The following TBXAS1 variants were observed in gnomAD, a reference collection of about 807,000 sequenced individuals.
The protein encoded by TBXAS1 is thromboxane A synthase 1, also known as thromboxane-A synthase.
A neutral mutation model predicts 60.7 loss-of-function variants in TBXAS1; 48 were observed. The ratio of observed to expected loss-of-function variants is 0.79; its 90% CI spans 0.63 to 1.01. The LOEUF is 1.01. Among genes scored for constraint, TBXAS1 ranks in the 50% least tolerant of loss-of-function variants. The pLI, the probability that TBXAS1 is intolerant of heterozygous loss-of-function variation, is 0.00. For missense variants in TBXAS1, 685 were observed against 686.3 expected, an observed-to-expected ratio of 1.00 and a Z score of 0.02; for synonymous variants, 287 against 269.7, an observed-to-expected ratio of 1.06 and a Z score of -0.63.
intron 1 of TBXAS1, among the ~76,000 whole-genome samples, chr7:139,842,040 A>G (rs557071209): frequency 2.0e-3 from 307 of 152,280 alleles, no homozygotes; most frequent in African/African-American, 7.0e-3. Flanking sequence ...TGATTATAAA[A>G]CAATACACAG....
chr7:139,820,733 C>T (rs1323544611), intron 4 of TBXAS1, among the ~76,000 whole-genome samples: 1 of 152,126 alleles, frequency 6.6e-6, no homozygotes, highest in Non-Finnish European at 1.5e-5. Context: ...GCCAGTCCTA[C>T]CCTTTCTTCT....
chr7:139,984,638 GAGAGAA>G (rs796529897), intron 9 of TBXAS1, among the ~76,000 whole-genome samples: 2,577 of 121,522 alleles, frequency 0.021, 173 homozygotes, highest in African/African-American at 0.071. Context: ...GAGAGAGAGA[GAGAGAA>G]AGAAAGAAAG....
rs1812640341 is a variant in TBXAS1, at chr7:139,988,178, C to G, written c.1135-18913C>G. 1.3e-5 allele frequency among the ~76,000 whole-genome samples: 2 copies of G among 152,210 alleles called. 1 individual carries two copies. Among genetic ancestry groups the G allele is most frequent in the South Asian group, 4.1e-4 (2 of 4,834 alleles). ...TTGCTTACTACATTTGAATTAATTG[C>G]CAAACTTTTAAACTCAGGGGAATTC... On this transcript the variant is annotated intron_variant, in intron 9 of 12. Transcript: ENST00000448866.
intron 3 of TBXAS1, among the ~76,000 whole-genome samples, chr7:139,898,159 C>T (rs1390332301): frequency 1.3e-5 from 2 of 152,200 alleles, no homozygotes; most frequent in Non-Finnish European, 1.5e-5. Context: ...CTCAGACACT[C>T]ACAACTGTGA....
intron 5 of TBXAS1, among the ~76,000 whole-genome samples, chr7:139,950,758 TCG>T: frequency 1.3e-5 from 1 of 79,600 alleles, no homozygotes; most frequent in Non-Finnish European, 2.5e-5. Context: ...CGGGACCCCC[TCG>T]CCCTCCATCT....
chr7:139,851,021 A>G lies in TBXAS1; in HGVS notation c.90-21214A>G, dbSNP rs543887118. On this transcript the variant is annotated intron_variant, in intron 1 of 12. Transcript: ENST00000448866. Reference sequence around the variant, plus strand: ...CAATTTGTTAGAGAAGCCCTGGGTAACTAGTCTGGTCTCCTTGCTCCCGTT... The same window carrying G: ...CAATTTGTTAGAGAAGCCCTGGGTAGCTAGTCTGGTCTCCTTGCTCCCGTT... Among the ~76,000 whole-genome samples, 8 of 152,350 alleles carry G rather than the reference A, an allele frequency of 5.3e-5. No homozygotes were observed. In the East Asian group the frequency reaches 1.3e-3, roughly 26 times the overall value.
At chr7:139,929,030 C>G (rs772055866) in intron 4 of TBXAS1, among the ~76,000 whole-genome samples, 10 of 152,068 alleles carry the variant, frequency 6.6e-5, no homozygotes, top group Non-Finnish European at 1.5e-4. Context: ...AAAAACAGCT[C>G]ACGAGAAGGA....
chr7:139,991,947 T>C (rs975225656), intron 9 of TBXAS1, among the ~76,000 whole-genome samples: 1 of 152,200 alleles, frequency 6.6e-6, no homozygotes, highest in Non-Finnish European at 1.5e-5. Flanking sequence ...TCCCATTCCC[T>C]GAGAGATGGA....
chr7:139,880,569 T>C (rs920507019), intron 3 of TBXAS1, among the ~76,000 whole-genome samples: 10 of 152,246 alleles, frequency 6.6e-5, no homozygotes, highest in African/African-American at 1.9e-4. Context: ...TATAGTCAAA[T>C]GGATCATATA....
At chr7:139,972,511 TA>T (rs1276156544) in intron 9 of TBXAS1, among the ~76,000 whole-genome samples, 9 of 152,230 alleles carry the variant, frequency 5.9e-5, no homozygotes, top group African/African-American at 1.9e-4. Flanking sequence ...GAATGGGTTT[TA>T]TTCCCAACAA....
intron 9 of TBXAS1, among the ~76,000 whole-genome samples, chr7:139,995,810 G>A (rs1219546640): frequency 6.6e-6 from 1 of 152,168 alleles, no homozygotes; most frequent in Non-Finnish European, 1.5e-5. Context: ...GCAGATGGGT[G>A]ATGATGCGCT....
Position 139,833,591 on chromosome 7 carries a change from A to G in TBXAS1, c.89+4112A>G, listed in dbSNP as rs190614786. Among the ~76,000 whole-genome samples, 1,118 of 151,268 alleles carry G rather than the reference A, an allele frequency of 7.4e-3. 12 individuals are homozygous for G. The highest frequency in any genetic ancestry group is 0.025 in the African/African-American group (1,037 of 41,240). ...TCCCAGCTACTTGGGAGGCTGAGGC[A>G]GGCGAATCACTTAAATCTGGGAGGT... is the stretch of plus-strand genomic sequence containing the variant. On this transcript the variant is annotated intron_variant, in intron 1 of 12. Coordinates refer to ENST00000448866, the MANE Select transcript of TBXAS1 (RefSeq NM_001061.7).
At chr7:139,970,611 TC>T (rs1178693627) in intron 9 of TBXAS1, among the ~76,000 whole-genome samples, 1 of 152,248 alleles carries the variant, frequency 6.6e-6, no homozygotes, top group Non-Finnish European at 1.5e-5. Context: ...CTCAGTGGTT[TC>T]CTGATTATTC....
At chr7:139,977,803 G>C (rs117673053) in intron 9 of TBXAS1, among the ~76,000 whole-genome samples, 4 of 152,134 alleles carry the variant, frequency 2.6e-5, no homozygotes. Context: ...CACCACCATC[G>C]TAACAGTAAA....
intron 9 of TBXAS1, among the ~76,000 whole-genome samples, chr7:139,971,175 G>A (rs1811165700): frequency 6.6e-6 from 1 of 152,066 alleles, no homozygotes; most frequent in Non-Finnish European, 1.5e-5. Context: ...GTAGCATCCC[G>A]ACCACTAATA....
In TBXAS1 at chr7:139,920,858, T is replaced by C. The variant is rs1270941969; in HGVS notation, c.333+9537T>C. 3.9e-5 allele frequency among the ~76,000 whole-genome samples: 6 copies of C among 152,306 alleles called. No homozygotes were observed. In the East Asian group the frequency reaches 9.6e-4, roughly 24 times the overall value. Reference sequence around the variant, plus strand: ...AGTGCAGTAGGACAGACCTCCTCTGTTCCTGACGATGATACCCCAATACAG... The same window carrying C: ...AGTGCAGTAGGACAGACCTCCTCTGCTCCTGACGATGATACCCCAATACAG... On this transcript the variant is annotated intron_variant, in intron 4 of 12. Coordinates refer to ENST00000448866, the MANE Select transcript of TBXAS1 (RefSeq NM_001061.7).
chr7:139,919,277 G>A (rs538134135), intron 4 of TBXAS1, among the ~76,000 whole-genome samples: 4 of 152,338 alleles, frequency 2.6e-5, no homozygotes, highest in African/African-American at 9.6e-5. Flanking sequence ...TAGAAACAAC[G>A]TTTGTAACAG....
intron 9 of TBXAS1, 172 bp downstream of exon 9, chr7:139,962,405 G>A: frequency 1.3e-6 from 1 of 757,688 alleles, no homozygotes; most frequent in African/African-American, 1.7e-5. Context: ...CAAGCGAAAT[G>A]AAATGTTGAG....
chr7:139,895,205 C>A (rs1464623284), intron 3 of TBXAS1, among the ~76,000 whole-genome samples: 2 of 152,080 alleles, frequency 1.3e-5, no homozygotes, highest in Non-Finnish European at 2.9e-5. Flanking sequence ...GAGAAAAGCC[C>A]TTGAGGTGGG....
Sources: allele counts gnomAD v4.1 joint callset (sites outside exome capture counted in the v4.1 genomes callset), GRCh38; gene constraint gnomAD v4.1.1; transcripts MANE v1.5; gene names NCBI Gene and HGNC (gene_info 2026-07-23, HGNC 2026-07-21).